MTDH: variants seen among roughly 807,000 people sequenced by gnomAD.
MTDH encodes protein LYRIC.
A neutral mutation model predicts 72.7 loss-of-function variants in MTDH; 34 were observed. The ratio of observed to expected loss-of-function variants is 0.47; its 90% CI spans 0.36 to 0.62. MTDH has a LOEUF of 0.62. MTDH is among the 20% of genes least tolerant of loss of function. MTDH has a pLI of 0.00. For synonymous variants in MTDH, 266 were observed against 268.9 expected (o/e 0.99, Z 0.10); for missense variants, 677 against 699.4 (o/e 0.97, Z 0.36).
chr8:97,716,556 C>T (rs1424809272), intron 9 of MTDH, among the ~76,000 whole-genome samples: 1 of 151,852 alleles, frequency 6.6e-6, no homozygotes, highest in African/African-American at 2.4e-5. Context: ...CACGTGGTAG[C>T]TGGCGCCTGT....
chr8:97,663,566 G>A (rs1415984351), intron 2 of MTDH, among the ~76,000 whole-genome samples: 4 of 151,914 alleles, frequency 2.6e-5, no homozygotes, highest in Non-Finnish European at 5.9e-5. Context: ...GGATAACATG[G>A]TGAAACCCCG....
chr8:97,662,766 A>G (rs1418959667), intron 2 of MTDH, among the ~76,000 whole-genome samples: 1 of 151,324 alleles, frequency 6.6e-6, no homozygotes, highest in East Asian at 1.9e-4. Context: ...AGCCAGGGCG[A>G]AAGAGCGAGA....
At chr8:97,669,291 A>G (rs1812514787) in intron 2 of MTDH, among the ~76,000 whole-genome samples, 1 of 151,926 alleles carries the variant, frequency 6.6e-6, no homozygotes, top group African/African-American at 2.4e-5. Context: ...CTGGGATTAC[A>G]GGCACCTGCC....
At position 97,710,683 on chromosome 8, in the gene MTDH, CAAAAAAAAA is replaced by C. The variant is rs376391821; in HGVS notation, c.1273-2960_1273-2952del. On this transcript the variant is annotated intron_variant, in intron 8 of 11. Coordinates refer to ENST00000336273, the MANE Select transcript of MTDH (RefSeq NM_178812.4). ...CCTGGGCAACAGAGTGAGACTATCT[CAAAAAAAAA>C]AAAAAAAAAAAAAAAAAATAGATAA... 1.4e-3 allele frequency among the ~76,000 whole-genome samples: 74 copies of C among 53,128 alleles called. No homozygotes were observed. In the South Asian group the frequency reaches 0.019, roughly 14 times the overall value. 34.9% of individuals were successfully genotyped at this position (53,128 alleles called of 152,430 possible).
intron 1 of MTDH, among the ~76,000 whole-genome samples, chr8:97,653,331 T>C (rs2130917019): frequency 6.6e-6 from 1 of 152,322 alleles, no homozygotes; most frequent in Admixed American, 6.5e-5. Flanking sequence ...CCTCTCTGGT[T>C]TCGATGGCAT....
At chr8:97,668,559 AC>A (rs1033677657) in intron 2 of MTDH, among the ~76,000 whole-genome samples, 8 of 149,912 alleles carry the variant, frequency 5.3e-5, no homozygotes, top group Admixed American at 1.3e-4. Context: ...CACTGTAACA[AC>A]TTTTTTTTTT....
At position 97,699,777 on chromosome 8, in the gene MTDH, C is replaced by G. The variant is rs1325771033; in HGVS notation, c.1072C>G (p.Gln358Glu). The G allele has an allele frequency of 6.2e-7, 1 of 1,612,416 alleles. No homozygotes were observed. The highest frequency in any genetic ancestry group is 8.5e-7 in the Non-Finnish European group (1 of 1,178,840). Residue 358 changes from glutamine to glutamate, a missense_variant, in exon 7 of 12, where the codon CAG becomes GAG. Gln to Glu is a conservative substitution (Grantham distance 29). Coordinates refer to ENST00000336273, the MANE Select transcript of MTDH (RefSeq NM_178812.4). The stretch of plus-strand genomic sequence containing the variant: ...AGGGTCTACTGCTGAGCCAGTTTCT[C>G]AGTCTACCACTTCTGATTATCAGTG... ...GIGSTAEPVS[Q>E]STTSDYQWDV...
At chr8:97,652,075 CT>C (rs2130914332) in intron 1 of MTDH, among the ~76,000 whole-genome samples, 1 of 152,308 alleles carries the variant, frequency 6.6e-6, no homozygotes, top group Admixed American at 6.5e-5. Flanking sequence ...CTTAGCTCCC[CT>C]AACCTGCAGC....
intron 1 of MTDH, among the ~76,000 whole-genome samples, chr8:97,645,999 G>A (rs1256834470): frequency 6.6e-6 from 1 of 152,206 alleles, no homozygotes; most frequent in Admixed American, 6.5e-5. Flanking sequence ...TAGAGTCAGT[G>A]TTGGAGAGTA....
Position 97,687,572 on chromosome 8 carries a change from G to C in MTDH, c.712G>C (p.Ala238Pro). The C allele has an allele frequency of 6.2e-7, 1 of 1,607,738 alleles. No individual in the cohort carries two copies. The highest frequency in any genetic ancestry group is 8.5e-7 in the Non-Finnish European group (1 of 1,177,192). ...ITVTTEQLTTASFPVGSKKNK... is the reference protein window; with the variant it reads ...ITVTTEQLTTPSFPVGSKKNK... ...AGTTACCACCGAGCAACTTACAACC[G>C]CATCATTTCCTGTTGGTTCCAAGAA... The change falls in exon 4 of 12, where the codon GCA becomes CCA. Residue 238 changes from alanine (A) to proline (P), a missense_variant. Ala to Pro is a conservative substitution (Grantham distance 27, BLOSUM62 -1). This residue lies in a region of MTDH where 467 missense variants were observed against 469.1 expected (regional missense o/e 1.00). Coordinates refer to ENST00000336273, the MANE Select transcript of MTDH (RefSeq NM_178812.4).
At position 97,691,083 on chromosome 8, in the gene MTDH, A is replaced by T; in HGVS notation, c.943A>T (p.Arg315Trp). 6.2e-7 allele frequency: 1 copy of T among 1,614,208 alleles called. No individual in the cohort carries two copies. The highest frequency in any genetic ancestry group is 1.1e-5 in the South Asian group (1 of 91,086). ...NSVSPASAGK[R>W]KTEPSAWSQD... The stretch of plus-strand genomic sequence containing the variant: ...CGTTTCACCTGCTTCTGCAGGAAAG[A>T]GGAAAACTGAGCCATCTGCCTGGAG... The change falls in exon 6 of 12, where the codon AGG (arginine) becomes TGG (tryptophan). Residue 315 changes from arginine to tryptophan, a missense_variant. By Grantham distance (101) the Arg-to-Trp change is moderately radical. Coordinates refer to ENST00000336273, the MANE Select transcript of MTDH (RefSeq NM_178812.4).
intron 8 of MTDH, 46 bp downstream of exon 8, chr8:97,706,796 C>T: frequency 1.3e-6 from 2 of 1,582,268 alleles, no homozygotes; most frequent in Non-Finnish European, 1.7e-6. Flanking sequence ...ATGAAAGAGA[C>T]AGGCTGGGCA....
intron 2 of MTDH, among the ~76,000 whole-genome samples, chr8:97,685,899 A>T (rs1215725826): frequency 6.6e-6 from 1 of 152,238 alleles, no homozygotes; most frequent in Non-Finnish European, 1.5e-5. Context: ...AAATACAGAA[A>T]TTATGGCTTA....
chr8:97,707,449 CTTTTTTTTT>C (rs35528230), intron 8 of MTDH, among the ~76,000 whole-genome samples: 1 of 80,206 alleles, frequency 1.2e-5, no homozygotes, highest in Admixed American at 1.7e-4. Flanking sequence ...CATGCCTGGC[CTTTTTTTTT>C]TTTTTTTTTT....
At position 97,690,943 on chromosome 8, in the gene MTDH, T is replaced by G. The variant is rs1159419499; in HGVS notation, c.812-9T>G. 2 of 1,581,530 alleles carry G rather than the reference T, an allele frequency of 1.3e-6. No homozygotes were observed. Among genetic ancestry groups the G allele is most frequent in the Admixed American group, 3.7e-5 (2 of 53,702 alleles). On this transcript the variant is annotated splice_polypyrimidine_tract_variant and intron_variant, in intron 5 of 11. Coordinates refer to ENST00000336273, the MANE Select transcript of MTDH (RefSeq NM_178812.4). ...CCTGTTTTTTAATATTCATTTTCTT[T>G]TCTTTAAGTTTCTTCAGGATTGAAT...
At position 97,644,976 on chromosome 8, in the gene MTDH, A is replaced by G. The variant is rs559569486; in HGVS notation, c.381+89A>G. The G allele has an allele frequency of 2.5e-4, 349 of 1,408,368 alleles. 4 individuals carry two copies. In the South Asian group the frequency reaches 5.1e-3, roughly 21 times the overall value. The allele number at this position is 1,408,368 out of a possible 1,614,324, so 87.2% of individuals were successfully genotyped here. ...GGGGGAGGCCGCGCCCCAGCCGGGA[A>G]GGAAAAGAGTGCTTAGTCGAAAGCC... On this transcript the variant is annotated intron_variant, in intron 1 of 11. Coordinates refer to ENST00000336273, the MANE Select transcript of MTDH (RefSeq NM_178812.4).
chr8:97,687,171 T>C (rs1315489605), intron 3 of MTDH, among the ~76,000 whole-genome samples: 1 of 152,166 alleles, frequency 6.6e-6, no homozygotes. Flanking sequence ...AGATGACTTA[T>C]ATATATCACT....
intron 2 of MTDH, among the ~76,000 whole-genome samples, chr8:97,667,561 A>C (rs1219668415): frequency 1.3e-5 from 2 of 152,208 alleles, no homozygotes; most frequent in East Asian, 3.8e-4. Flanking sequence ...AATGACTGAT[A>C]GACAAGCCGT....
intron 9 of MTDH, among the ~76,000 whole-genome samples, chr8:97,717,398 T>G (rs1814916603): frequency 6.6e-6 from 1 of 152,230 alleles, no homozygotes; most frequent in Admixed American, 6.5e-5. Flanking sequence ...TTGCTGAAAC[T>G]TCATAAAAGT....
Sources: allele counts gnomAD v4.1 joint callset (sites outside exome capture counted in the v4.1 genomes callset), GRCh38; gene constraint gnomAD v4.1.1; regional missense constraint gnomAD v4.1.1; transcripts MANE v1.5; gene names NCBI Gene and HGNC (gene_info 2026-07-23, HGNC 2026-07-21).